ARHGEF18: variants seen among roughly 807,000 people sequenced by gnomAD.
The protein encoded by ARHGEF18 is rho guanine nucleotide exchange factor 18.
In ARHGEF18, 93 loss-of-function variants were observed where a neutral mutation model predicts 155.7. That is an observed-to-expected ratio of 0.60 (90% CI 0.50 to 0.71). ARHGEF18 has a LOEUF of 0.71. ARHGEF18 is among the 30% of genes least tolerant of loss of function. The pLI is 0.00. For synonymous variants in ARHGEF18, 742 were observed against 753.1 expected (o/e 0.99, Z 0.24); for missense variants, 1,593 against 1,816.1 (o/e 0.88, Z 2.23).
At chr19:7,349,703 G>A (rs1261936169) in intron 1 of ARHGEF18, among the ~76,000 whole-genome samples, 8 of 152,116 alleles carry the variant, frequency 5.3e-5, no homozygotes, top group South Asian at 4.2e-4. Flanking sequence ...GCTTGAACCC[G>A]GGAGGTAGAG....
chr19:7,432,512 G>A (rs557851725), intron 10 of ARHGEF18, among the ~76,000 whole-genome samples: 2 of 152,262 alleles, frequency 1.3e-5, no homozygotes, highest in Admixed American at 6.5e-5. Flanking sequence ...GTCTCACTAC[G>A]TCGCCCAGGC....
Position 7,383,077 on chromosome 19 carries a change from C to T in ARHGEF18, c.841C>T (p.His281Tyr), listed in dbSNP as rs1970823272. The change falls in exon 10 of 29, where the codon CAT (histidine) becomes TAT (tyrosine). Residue 281 changes from histidine to tyrosine, a missense_variant. Physicochemically the swap from His to Tyr is moderately conservative, Grantham distance 83. Coordinates refer to ENST00000668164, the MANE Select transcript of ARHGEF18 (RefSeq NM_001367823.1). ...RQKEKGKSPA[H>Y]LKDKGQDARE... ...TCCCATCCAGGGGAAGAGCCCAGCA[C>T]ATCTGAAGGACAAGGGCCAGGATGC... 1.1e-5 allele frequency: 14 copies of T among 1,232,304 alleles called. No homozygotes were observed. The Admixed American group carries it at 5.5e-4, about 48-fold the overall frequency. The allele number at this position is 1,232,304 out of a possible 1,614,324, so 76.3% of individuals were successfully genotyped here.
intron 10 of ARHGEF18, among the ~76,000 whole-genome samples, chr19:7,416,704 A>G (rs12459677): frequency 0.54 from 58,576 of 109,452 alleles, 19,164 homozygotes; most frequent in Middle Eastern, 0.74. Context: ...CCGGGTTCAC[A>G]CCATTCTCCT....
In ARHGEF18 at chr19:7,395,797, A is replaced by G. The variant is rs553010914; in HGVS notation, c.967+12594A>G. 9.8e-5 allele frequency among the ~76,000 whole-genome samples: 15 copies of G among 152,292 alleles called. No homozygotes were observed. The highest frequency in any genetic ancestry group is 3.4e-4 in the African/African-American group (14 of 41,568). ...GGTGCTTTCATTGCGGACGGGAACG[A>G]GAAGCTTTCCCCTGGTCCTTACATG... On this transcript the variant is annotated intron_variant, in intron 10 of 28. Transcript: ENST00000668164. The surrounding 1 kb of genome is among the most constrained non-coding windows in gnomAD (Gnocchi z 5.0).
chr19:7,387,139 T>TTTG lies in ARHGEF18; in HGVS notation c.967+3951_967+3953dup, dbSNP rs199753558. Reference sequence around the variant, plus strand: ...GGCAAACTGCAGTCCATCACCTGTTTTTGTTGTTGTTGTTGTTTGTTTGTT... The same window carrying TTTG: ...GGCAAACTGCAGTCCATCACCTGTTTTTGTTGTTGTTGTTGTTGTTTGTTTGTT... On this transcript the variant is annotated intron_variant, in intron 10 of 28. Coordinates refer to ENST00000668164, the MANE Select transcript of ARHGEF18 (RefSeq NM_001367823.1). 2.6e-5 allele frequency among the ~76,000 whole-genome samples: 4 copies of TTTG among 152,098 alleles called. 1 individual carries two copies. Among genetic ancestry groups the TTTG allele is most frequent in the Non-Finnish European group, 5.9e-5 (4 of 67,930 alleles).
chr19:7,444,366 G>T lies in ARHGEF18; in HGVS notation c.1523G>T (p.Arg508Leu), dbSNP rs146605267. 6.2e-7 allele frequency: 1 copy of T among 1,613,520 alleles called. No individual in the cohort carries two copies. Among genetic ancestry groups the T allele is most frequent in the East Asian group, 2.2e-5 (1 of 44,884 alleles). Residue 508 changes from arginine (R) to leucine (L), a missense_variant, in exon 14 of 29, where the codon CGG becomes CTG. Physicochemically the swap from Arg to Leu is moderately radical, Grantham distance 102. Transcript: ENST00000668164. The surrounding 1 kb of genome is among the most constrained non-coding windows in gnomAD (Gnocchi z 4.7). ...GAGACGCACAGCCACTTCCTCGCTC[G>T]GCTCAAGGAGCGCCGCCAGGAGTCC... ...LLETHSHFLA[R>L]LKERRQESLE...
At chr19:7,392,362 G>A (rs1048105749) in intron 10 of ARHGEF18, among the ~76,000 whole-genome samples, 2 of 151,904 alleles carry the variant, frequency 1.3e-5, no homozygotes, top group African/African-American at 4.8e-5. Flanking sequence ...TTTAGGGGAG[G>A]GCTGTGTCCA....
intron 10 of ARHGEF18, among the ~76,000 whole-genome samples, chr19:7,428,020 A>G (rs1973758044): frequency 6.6e-6 from 1 of 152,234 alleles, no homozygotes; most frequent in Non-Finnish European, 1.5e-5. Flanking sequence ...TAAGAGTAAC[A>G]GAGTCAAATC....
intron 10 of ARHGEF18, among the ~76,000 whole-genome samples, chr19:7,409,181 T>TC (rs1460972575): frequency 6.8e-6 from 1 of 147,756 alleles, no homozygotes; most frequent in African/African-American, 2.5e-5. Flanking sequence ...TACCTCAGCC[T>TC]CCCAAGAAGC....
chr19:7,374,250 G>T (rs980349505), intron 3 of ARHGEF18, among the ~76,000 whole-genome samples: 1 of 152,064 alleles, frequency 6.6e-6, no homozygotes, highest in South Asian at 2.1e-4. Flanking sequence ...AGGAGTTGGG[G>T]ATCCCTGCTC....
intron 5 of ARHGEF18, 24 bp from the exon 6 acceptor site, chr19:7,378,370 C>T (rs977345268): frequency 1.6e-6 from 2 of 1,234,030 alleles, no homozygotes; most frequent in Non-Finnish European, 1.0e-6. Flanking sequence ...AACTGTGCTT[C>T]CTGGGATGGG....
chr19:7,462,080 C>A lies in ARHGEF18; in HGVS notation c.2453-72C>A. 1 of 1,595,672 alleles carries A rather than the reference C, an allele frequency of 6.3e-7. No individual in the cohort carries two copies. The highest frequency in any genetic ancestry group is 1.1e-5 in the South Asian group (1 of 89,936). ...CCAGCGGGGTTCCTCATCCTTAGGC[C>A]AGTCCCCGGGGCTCAGATGATTCCA... On this transcript the variant is annotated intron_variant, in intron 20 of 28. Transcript: ENST00000668164. This position sits in a 1 kb window ranked among gnomAD's most constrained non-coding sequence, Gnocchi z 4.4.
intron 14 of ARHGEF18, among the ~76,000 whole-genome samples, chr19:7,446,497 C>T (rs967173569): frequency 6.6e-6 from 1 of 152,022 alleles, no homozygotes; most frequent in Non-Finnish European, 1.5e-5. Flanking sequence ...AATCCCAGCA[C>T]TTTGGGAAGA....
At chr19:7,351,895 A>G (rs1969167197) in intron 1 of ARHGEF18, among the ~76,000 whole-genome samples, 1 of 151,024 alleles carries the variant, frequency 6.6e-6, no homozygotes, top group Admixed American at 6.6e-5. Context: ...GGGTTTCACC[A>G]TGTTACCCAG....
At chr19:7,366,582 A>G (rs372407013) in intron 2 of ARHGEF18, among the ~76,000 whole-genome samples, 19 of 151,942 alleles carry the variant, frequency 1.3e-4, no homozygotes, top group Non-Finnish European at 2.6e-4. Flanking sequence ...TCCCCCTCAG[A>G]TCTTCCCCAG....
chr19:7,367,970 GGAAA>G (rs1970003837), intron 2 of ARHGEF18, among the ~76,000 whole-genome samples: 1 of 48,308 alleles, frequency 2.1e-5, no homozygotes, highest in East Asian at 7.5e-4. Context: ...AAGGAAGAAA[GGAAA>G]GAAAGAGAGA....
At chr19:7,446,958 T>C in intron 14 of ARHGEF18, 85 bp from the exon 15 acceptor site, 2 of 1,486,648 alleles carry the variant, frequency 1.3e-6, no homozygotes, top group South Asian at 1.3e-5. Context: ...CTAATATTTA[T>C]TTTAGCAGAC....
rs1977025154 is a variant in ARHGEF18 at position 7,471,614 on chromosome 19, A to C, written c.*1316A>C. On this transcript the variant is annotated 3_prime_UTR_variant, in exon 29 of 29. Transcript: ENST00000668164. The surrounding 1 kb of genome is among the most constrained non-coding windows in gnomAD (Gnocchi z 4.4). ...CCCGGGGGGATTCAGCCCTTCTCCCACTGTGCTGGCAGAGGCACTCCTGTG... is the reference window on the plus strand; with the variant it reads ...CCCGGGGGGATTCAGCCCTTCTCCCCCTGTGCTGGCAGAGGCACTCCTGTG... The C allele has an allele frequency of 6.6e-6, 1 of 152,234 alleles. No homozygotes were observed. Among genetic ancestry groups the C allele is most frequent in the South Asian group, 2.1e-4 (1 of 4,820 alleles). 9.4% of individuals were successfully genotyped at this position (152,234 alleles called of 1,614,324 possible).
At chr19:7,419,574 C>T (rs938645293) in intron 10 of ARHGEF18, among the ~76,000 whole-genome samples, 3 of 152,106 alleles carry the variant, frequency 2.0e-5, no homozygotes, top group African/African-American at 7.2e-5. Context: ...ACAGGCACCA[C>T]CCTAGTCTTG....
Sources: gnomAD v4.1 joint callset for allele counts (sites outside exome capture counted in the v4.1 genomes callset) on GRCh38, gnomAD v4.1.1 for gene constraint, Gnocchi (gnomAD v3.1) non-coding constraint, MANE v1.5 for transcripts, NCBI Gene and HGNC (gene_info 2026-07-23, HGNC 2026-07-21) for gene names.